Variants in BRAF observed in about 807,000 individuals in gnomAD.
BRAF encodes the protein serine/threonine-protein kinase B-raf.
BRAF carries 16 observed loss-of-function variants against 104.6 expected under a neutral mutation model. That is an observed-to-expected ratio of 0.15 (90% CI 0.10 to 0.23). The LOEUF is 0.23. Among genes scored for constraint, BRAF ranks in the 10% least tolerant of loss-of-function variants. The probability of loss-of-function intolerance (pLI) is 1.00; values close to 1 mark genes in which losing one functional copy is unlikely to be tolerated. For missense variants in BRAF, 541 were observed against 937.3 expected, an observed-to-expected ratio of 0.58 and a Z score of 5.52; for synonymous variants, 310 against 341.6, an observed-to-expected ratio of 0.91 and a Z score of 1.02.
At chr7:140,787,522 T>C (rs779679990) in intron 9 of BRAF, 26 bp downstream of exon 9, 1 of 1,606,072 alleles carries the variant, frequency 6.2e-7, no homozygotes, top group Admixed American at 1.7e-5. Context: ...CTTGAGTTTT[T>C]AAAAAAACCT....
At chr7:140,853,525 T>C (rs537548198) in intron 1 of BRAF, among the ~76,000 whole-genome samples, 1 of 152,316 alleles carries the variant, frequency 6.6e-6, no homozygotes, top group Non-Finnish European at 1.5e-5. Flanking sequence ...CCCATTCCAA[T>C]CACATTTGGC....
chr7:140,859,478 AC>A (rs913053252), intron 1 of BRAF, among the ~76,000 whole-genome samples: 7 of 151,962 alleles, frequency 4.6e-5, no homozygotes, highest in Non-Finnish European at 1.0e-4. Context: ...TCTCCACTAA[AC>A]CTTATTTCAC....
At chr7:140,814,774 C>CATATTATATATAACAT (rs1804661575) in intron 3 of BRAF, among the ~76,000 whole-genome samples, 1 of 135,138 alleles carries the variant, frequency 7.4e-6, no homozygotes, top group African/African-American at 3.0e-5. Context: ...TTATATATAA[C>CATATTATATATAACAT]ATATATATTA....
chr7:140,758,979 C>G (rs1162075265), intron 14 of BRAF, among the ~76,000 whole-genome samples: 1 of 152,236 alleles, frequency 6.6e-6, no homozygotes, highest in Non-Finnish European at 1.5e-5. Context: ...TCTGTCACTA[C>G]AGATTAATTT....
At chr7:140,822,996 AT>A in intron 3 of BRAF, among the ~76,000 whole-genome samples, 1 of 151,882 alleles carries the variant, frequency 6.6e-6, no homozygotes, top group South Asian at 2.1e-4. Context: ...CTAATTAAAA[AT>A]TTTTTTTGTA....
At position 140,766,183 on chromosome 7, in the gene BRAF, C is replaced by T. The variant is rs1031768125; in HGVS notation, c.1814+10729G>A. Among the ~76,000 whole-genome samples the T allele has an allele frequency of 2.6e-5, 4 of 151,730 alleles. No homozygotes were observed. In the East Asian group the frequency reaches 5.8e-4, roughly 22 times the overall value. Reference sequence around the variant, plus strand: ...GAAATCATCATTCTCAGTAAACTATCGCAAGGACAAAAAACCAAACACCGC... The same window carrying T: ...GAAATCATCATTCTCAGTAAACTATTGCAAGGACAAAAAACCAAACACCGC... On this transcript the variant is annotated intron_variant, in intron 14 of 19. Transcript: ENST00000644969.
rs1795272896 is a variant in BRAF at position 140,720,584 on chromosome 7, C to A, written c.*5910G>T. 1.9e-6 allele frequency: 2 copies of A among 1,065,454 alleles called. No individual in the cohort carries two copies. The highest frequency in any genetic ancestry group is 9.1e-5 in the South Asian group (2 of 21,972). The allele number at this position is 1,065,454 out of a possible 1,614,324, so 66.0% of individuals were successfully genotyped here. ...CTTAGAATAAAAAGCATACTTATTG[C>A]ACTCTTACATTTGATTTCAGGTAAT... On this transcript the variant is annotated 3_prime_UTR_variant, in exon 20 of 20. Transcript: ENST00000644969.
chr7:140,726,341 G>T lies in BRAF; in HGVS notation c.*153C>A, dbSNP rs756069389. On this transcript the variant is annotated 3_prime_UTR_variant, in exon 20 of 20. Transcript: ENST00000644969. ...TAAAACATTCTTTCCTCTTTTGTTG[G>T]ATGGGAAATTCCATTCTGTTCCACA... is the stretch of plus-strand genomic sequence containing the variant. The T allele has an allele frequency of 7.0e-7, 1 of 1,438,036 alleles. No homozygotes were observed. The highest frequency in any genetic ancestry group is 9.1e-7 in the Non-Finnish European group (1 of 1,103,310). The allele number at this position is 1,438,036 out of a possible 1,614,324, so 89.1% of individuals were successfully genotyped here. A position where few individuals can be genotyped will look rare whatever the true frequency, so the allele number is the denominator to read the frequency against.
At chr7:140,759,150 G>C (rs1042097538) in intron 14 of BRAF, among the ~76,000 whole-genome samples, 1 of 152,174 alleles carries the variant, frequency 6.6e-6, no homozygotes, top group African/African-American at 2.4e-5. Flanking sequence ...CTAGTTTGTG[G>C]CAAATATGAA....
intron 1 of BRAF, among the ~76,000 whole-genome samples, chr7:140,916,853 G>C (rs964465312): frequency 6.6e-6 from 1 of 152,160 alleles, no homozygotes; most frequent in Admixed American, 6.5e-5. Flanking sequence ...AAAAGTCAAA[G>C]TTCTAAAAAT....
At chr7:140,896,642 G>C (rs1191792175) in intron 1 of BRAF, among the ~76,000 whole-genome samples, 5 of 152,062 alleles carry the variant, frequency 3.3e-5, no homozygotes, top group African/African-American at 1.2e-4. Context: ...GAGGCAGGTG[G>C]ATCACCTGAG....
At chr7:140,798,385 T>C (rs971732667) in intron 7 of BRAF, among the ~76,000 whole-genome samples, 1 of 148,036 alleles carries the variant, frequency 6.8e-6, no homozygotes, top group Non-Finnish European at 1.5e-5. Context: ...GACTCCTGAG[T>C]AGCTGGGACT....
intron 1 of BRAF, among the ~76,000 whole-genome samples, chr7:140,862,331 A>G (rs1738499132): frequency 6.6e-6 from 1 of 152,200 alleles, no homozygotes; most frequent in African/African-American, 2.4e-5. Context: ...GAGGTTAAAA[A>G]AGAGAGAGCA....
intron 1 of BRAF, among the ~76,000 whole-genome samples, chr7:140,892,031 G>GGGCA (rs1814284700): frequency 6.6e-6 from 1 of 152,136 alleles, no homozygotes; most frequent in South Asian, 2.1e-4. Context: ...CGAGGCAGGT[G>GGGCA]GATCATTTGA....
At chr7:140,813,563 C>A (rs1804506990) in intron 3 of BRAF, among the ~76,000 whole-genome samples, 1 of 152,114 alleles carries the variant, frequency 6.6e-6, no homozygotes, top group South Asian at 2.1e-4. Context: ...GTATGTGCAA[C>A]ATTATTCACT....
At chr7:140,881,169 T>C (rs1350600366) in intron 1 of BRAF, among the ~76,000 whole-genome samples, 2 of 152,200 alleles carry the variant, frequency 1.3e-5, no homozygotes, top group Non-Finnish European at 2.9e-5. Context: ...CCAGGCTTCA[T>C]TGTTCCATTT....
At chr7:140,726,722 CAATTA>C (rs1435366643) in intron 19 of BRAF, among the ~76,000 whole-genome samples, 3 of 152,200 alleles carry the variant, frequency 2.0e-5, no homozygotes, top group Admixed American at 1.3e-4. Context: ...TCAGCTCTAT[CAATTA>C]AATAGCAAGT....
In BRAF at chr7:140,725,648, A is replaced by T. The variant is rs1050021080; in HGVS notation, c.*846T>A. The T allele has an allele frequency of 9.4e-7, 1 of 1,058,676 alleles. No homozygotes were observed. The highest frequency in any genetic ancestry group is 1.1e-6 in the Non-Finnish European group (1 of 875,278). The allele number at this position is 1,058,676 out of a possible 1,614,324, so 65.6% of individuals were successfully genotyped here. A position where few individuals can be genotyped will look rare whatever the true frequency, so the allele number is the denominator to read the frequency against. On this transcript the variant is annotated 3_prime_UTR_variant, in exon 20 of 20. Coordinates refer to ENST00000644969, the MANE Select transcript of BRAF (RefSeq NM_001374258.1). The stretch of plus-strand genomic sequence containing the variant: ...ATAAGTAGTTGGTGACTGGAAGAGC[A>T]TAGGAGGAAGATATAAACTGTATTT...
At chr7:140,887,210 T>G (rs1206487066) in intron 1 of BRAF, among the ~76,000 whole-genome samples, 1 of 152,114 alleles carries the variant, frequency 6.6e-6, no homozygotes, top group Non-Finnish European at 1.5e-5. Flanking sequence ...CACAAGTAAA[T>G]CAACACAATT....
Sources: gnomAD v4.1 joint callset for allele counts (sites outside exome capture counted in the v4.1 genomes callset) on GRCh38, gnomAD v4.1.1 for gene constraint, MANE v1.5 for transcripts, NCBI Gene and HGNC (gene_info 2026-07-23, HGNC 2026-07-21) for gene names.